The following KIAA1217 variants were observed in gnomAD, a reference collection of about 807,000 sequenced individuals.
KIAA1217 encodes the protein sickle tail protein homolog.
Under a neutral mutation model 163.9 loss-of-function variants are expected in KIAA1217, and 88 were observed. The observed-to-expected ratio is 0.54, with a 90% CI of 0.45 to 0.64. The LOEUF is 0.64. KIAA1217 is among the 30% of genes least tolerant of loss of function. The pLI, the probability that KIAA1217 is intolerant of heterozygous loss-of-function variation, is 0.00. For missense variants in KIAA1217, 2,372 were observed against 2,475.0 expected (o/e 0.96, Z 0.88); for synonymous variants, 903 against 923.1 (o/e 0.98, Z 0.39).
intron 3 of KIAA1217, among the ~76,000 whole-genome samples, chr10:24,414,401 C>G (rs58953308): frequency 0.094 from 14,311 of 152,252 alleles, 1,571 homozygotes; most frequent in African/African-American, 0.26. Context: ...AGGTGCTCAA[C>G]TTGTTTAATG....
intron 1 of KIAA1217, among the ~76,000 whole-genome samples, chr10:23,987,402 C>T (rs1846024274): frequency 1.4e-5 from 2 of 139,128 alleles, no homozygotes; most frequent in Non-Finnish European, 3.1e-5. Flanking sequence ...AGCCACCCTT[C>T]TTACTTTTGT....
At chr10:24,264,226 A>G (rs1169484273) in intron 2 of KIAA1217, among the ~76,000 whole-genome samples, 6 of 152,184 alleles carry the variant, frequency 3.9e-5, no homozygotes, top group Non-Finnish European at 1.5e-5. Context: ...GTGGCAAATA[A>G]GTTGGTAGAA....
chr10:24,537,373 C>T (rs1358126061), intron 17 of KIAA1217, among the ~76,000 whole-genome samples: 3 of 151,970 alleles, frequency 2.0e-5, no homozygotes, highest in Non-Finnish European at 2.9e-5. Context: ...GTCAGGAGTT[C>T]GAGACCAGCC....
At position 24,390,179 on chromosome 10, in the gene KIAA1217, T is replaced by C. The variant is rs141110382; in HGVS notation, c.553+9112T>C. Among the ~76,000 whole-genome samples the C allele has an allele frequency of 2.2e-4, 33 of 152,300 alleles. No homozygotes were observed. In the East Asian group the frequency reaches 6.0e-3, roughly 28 times the overall value. On this transcript the variant is annotated intron_variant, in intron 3 of 20. Transcript: ENST00000376454. The stretch of plus-strand genomic sequence containing the variant: ...GACTGCACAGGGGCCTAACTTATTA[T>C]ATTTGTAGATATTGTAGTGCTGCCT...
intron 2 of KIAA1217, among the ~76,000 whole-genome samples, chr10:24,041,970 T>C (rs1180992864): frequency 1.3e-5 from 2 of 152,028 alleles, no homozygotes; most frequent in Non-Finnish European, 2.9e-5. Context: ...GTGCGTTTCA[T>C]ATTCCCTATT....
chr10:24,089,763 C>T (rs928148390), intron 2 of KIAA1217, among the ~76,000 whole-genome samples: 1 of 151,728 alleles, frequency 6.6e-6, no homozygotes, highest in Non-Finnish European at 1.5e-5. Context: ...TCAAGGAGAA[C>T]TACAAACCAC....
intron 1 of KIAA1217, among the ~76,000 whole-genome samples, chr10:23,739,922 A>G (rs1054665784): frequency 2.6e-5 from 4 of 152,202 alleles, no homozygotes; most frequent in Non-Finnish European, 5.9e-5. Context: ...GCCAGGTGAA[A>G]GAGAGAAGAG....
At chr10:24,380,449 T>C (rs2053140145) in intron 2 of KIAA1217, among the ~76,000 whole-genome samples, 2 of 152,040 alleles carry the variant, frequency 1.3e-5, no homozygotes, top group Non-Finnish European at 2.9e-5. Flanking sequence ...ACTCAAAGCC[T>C]GGCCATCATG....
At chr10:24,132,326 T>A in intron 2 of KIAA1217, among the ~76,000 whole-genome samples, 1 of 152,148 alleles carries the variant, frequency 6.6e-6, no homozygotes, top group East Asian at 1.9e-4. Context: ...TCATCAATAA[T>A]TTTGAGTTGG....
At chr10:23,749,378 C>T (rs1420891095) in intron 1 of KIAA1217, among the ~76,000 whole-genome samples, 1 of 152,128 alleles carries the variant, frequency 6.6e-6, no homozygotes, top group African/African-American at 2.4e-5. Context: ...GCCATCTTTA[C>T]CCATTTCTAA....
At chr10:23,826,266 T>C (rs968992492) in intron 1 of KIAA1217, among the ~76,000 whole-genome samples, 3 of 152,210 alleles carry the variant, frequency 2.0e-5, no homozygotes, top group Non-Finnish European at 4.4e-5. Flanking sequence ...AGATTAGAAA[T>C]TTGAAATTTT....
At chr10:24,394,742 T>C (rs1030120684) in intron 3 of KIAA1217, among the ~76,000 whole-genome samples, 4 of 152,178 alleles carry the variant, frequency 2.6e-5, no homozygotes, top group African/African-American at 9.7e-5. Flanking sequence ...TCTGCTTTGA[T>C]TCACCCCACA....
At chr10:23,954,715 G>T (rs1589137428) in intron 1 of KIAA1217, among the ~76,000 whole-genome samples, 1 of 152,270 alleles carries the variant, frequency 6.6e-6, no homozygotes, top group East Asian at 1.9e-4. Flanking sequence ...TCTATGCTGG[G>T]AACTTGACAT....
At chr10:24,065,194 G>A (rs1375699632) in intron 2 of KIAA1217, among the ~76,000 whole-genome samples, 1 of 152,092 alleles carries the variant, frequency 6.6e-6, no homozygotes, top group Non-Finnish European at 1.5e-5. Flanking sequence ...GCTTTTGAAT[G>A]TGTTTGCTCT....
At chr10:24,404,852 T>G (rs2057024935) in intron 3 of KIAA1217, among the ~76,000 whole-genome samples, 1 of 151,956 alleles carries the variant, frequency 6.6e-6, no homozygotes, top group South Asian at 2.1e-4. Flanking sequence ...TTATGCTCAG[T>G]GAGGAAAAAA....
chr10:23,782,803 C>CT (rs1450644464), intron 1 of KIAA1217, among the ~76,000 whole-genome samples: 1 of 152,018 alleles, frequency 6.6e-6, no homozygotes, highest in African/African-American at 2.4e-5. Flanking sequence ...TTACTTTTTC[C>CT]TTCCCAATTT....
At chr10:23,765,349 A>G (rs1360588842) in intron 1 of KIAA1217, among the ~76,000 whole-genome samples, 6 of 150,828 alleles carry the variant, frequency 4.0e-5, no homozygotes, top group Admixed American at 6.6e-5. Context: ...AACTTTTTGT[A>G]CTTTTAGTAG....
intron 1 of KIAA1217, among the ~76,000 whole-genome samples, chr10:23,819,147 T>C (rs1837500407): frequency 6.6e-6 from 1 of 152,210 alleles, no homozygotes; most frequent in African/African-American, 2.4e-5. Context: ...TGGCACCTCA[T>C]ATTCACTCTC....
At chr10:24,378,501 T>C (rs2052831489) in intron 2 of KIAA1217, among the ~76,000 whole-genome samples, 2 of 152,316 alleles carry the variant, frequency 1.3e-5, no homozygotes, top group Non-Finnish European at 2.9e-5. Context: ...CTCTTCATTC[T>C]TCCTGTCCAT....
Sources: gnomAD v4.1 joint callset for allele counts (sites outside exome capture counted in the v4.1 genomes callset) on GRCh38, gnomAD v4.1.1 for gene constraint, MANE v1.5 for transcripts, NCBI Gene and HGNC (gene_info 2026-07-23, HGNC 2026-07-21) for gene names.